Variants in PCDHGB3 observed in about 807,000 individuals in gnomAD.
PCDHGB3 encodes protocadherin gamma-B3.
PCDHGB3 carries 40 observed loss-of-function variants against 59.2 expected under a neutral mutation model. That is an observed-to-expected ratio of 0.68 (90% confidence interval 0.52 to 0.88). The LOEUF is 0.88. Ranked by LOEUF, PCDHGB3 falls within the 40% of genes least tolerant of loss-of-function variation. PCDHGB3 has a pLI of 0.00. For synonymous variants in PCDHGB3, 581 were observed against 503.6 expected (o/e 1.15, Z -2.06); for missense variants, 1,309 against 1,187.9 (o/e 1.10, Z -1.50).
Position 141,372,309 on chromosome 5 carries a change from C to A in PCDHGB3, c.1915C>A (p.Arg639Ser). 6.2e-7 allele frequency: 1 copy of A among 1,613,518 alleles called. No individual in the cohort carries two copies. Among genetic ancestry groups the A allele is most frequent in the Non-Finnish European group, 8.5e-7 (1 of 1,179,890 alleles). ...TACCTTGGGCGACAGGGAGGCCGCCCGCCAGCGCCTGCTGGTCACTGTGCG... is the reference window on the plus strand; with the variant it reads ...TACCTTGGGCGACAGGGAGGCCGCCAGCCAGCGCCTGCTGGTCACTGTGCG... ...ARTLGDREAA[R>S]QRLLVTVRDG... is the part of the protein sequence containing the mutation. The change falls in exon 1 of 4, where the codon CGC becomes AGC. Residue 639 changes from arginine to serine, a missense_variant. Transcript: ENST00000576222.
At position 141,376,322 on chromosome 5, in the gene PCDHGB3, C is replaced by A. The variant is rs750074970; in HGVS notation, c.2415+3513C>A. On this transcript the variant is annotated intron_variant, in intron 1 of 3. Transcript: ENST00000576222. ...GCACTTTGTGGGCGTGGAAGGGGTTCGGGCTTTCCTGCAGACCTATTCCCA... is the reference window on the plus strand; with the variant it reads ...GCACTTTGTGGGCGTGGAAGGGGTTAGGGCTTTCCTGCAGACCTATTCCCA... The A allele has an allele frequency of 9.3e-6, 15 of 1,614,056 alleles. No individual in the cohort carries two copies. The Admixed American group carries it at 1.2e-4, about 13-fold the overall frequency.
rs200368368 is a variant in PCDHGB3 at position 141,371,922 on chromosome 5, C to T, written c.1528C>T (p.Arg510Trp). 2.5e-4 allele frequency: 410 copies of T among 1,613,228 alleles called. No individual in the cohort carries two copies. The highest frequency in any genetic ancestry group is 3.3e-4 in the Non-Finnish European group (394 of 1,179,902). Residue 510 changes from arginine to tryptophan, a missense_variant, in exon 1 of 4, where the codon CGG becomes TGG. By Grantham distance (101) the Arg-to-Trp change is moderately radical (BLOSUM62 -3). Transcript: ENST00000576222. ...GTCGTCCTACGTGTCCGTGAGCGCG[C>T]GGAGCGGGGTGGTGTTCGCGCAGCG... ...ELSSYVSVSA[R>W]SGVVFAQRAF... is the part of the protein sequence containing the mutation.
intron 1 of PCDHGB3, chr5:141,423,674 C>A (rs57195665): frequency 0.087 from 131,432 of 1,514,090 alleles, 6,254 homozygotes; most frequent in East Asian, 0.14. Flanking sequence ...AGATTTATTT[C>A]TCTGCCTCCT....
Position 141,485,086 on chromosome 5 carries a change from A to T in PCDHGB3, c.2416-9721A>T. 1.0e-6 allele frequency: 1 copy of T among 999,576 alleles called. No individual in the cohort carries two copies. Among genetic ancestry groups the T allele is most frequent in the Non-Finnish European group, 1.5e-6 (1 of 651,740 alleles). 61.9% of individuals were successfully genotyped at this position (999,576 alleles called of 1,614,324 possible). A position where few individuals can be genotyped will look rare whatever the true frequency, so the allele number is the denominator to read the frequency against. On this transcript the variant is annotated intron_variant, in intron 1 of 3. Transcript: ENST00000576222. The surrounding 1 kb of genome is among the most constrained non-coding windows in gnomAD (Gnocchi z 5.7). The stretch of plus-strand genomic sequence containing the variant: ...CCAGAGCTGGCGCGGGGAAAGGGAG[A>T]TAGGTGTCTCCAGCTGCTGTGGCTG...
At chr5:141,374,364 A>C in intron 1 of PCDHGB3, 2 of 1,614,024 alleles carry the variant, frequency 1.2e-6, no homozygotes, top group Non-Finnish European at 1.7e-6. Context: ...GACCGCGAGG[A>C]GCTCTGTGCT....
intron 1 of PCDHGB3, among the ~76,000 whole-genome samples, chr5:141,435,652 G>A (rs978809372): frequency 3.9e-5 from 6 of 152,226 alleles, no homozygotes; most frequent in East Asian, 1.9e-4. Flanking sequence ...TTTCTGAAAC[G>A]TGCACAGATT....
At chr5:141,407,615 A>T (rs780052436) in intron 1 of PCDHGB3, among the ~76,000 whole-genome samples, 2 of 152,140 alleles carry the variant, frequency 1.3e-5, no homozygotes, top group Non-Finnish European at 2.9e-5. Context: ...GCATTGGTTG[A>T]CATTCTATAT....
At chr5:141,496,289 G>A (rs1347634489) in intron 2 of PCDHGB3, among the ~76,000 whole-genome samples, 3 of 152,224 alleles carry the variant, frequency 2.0e-5, no homozygotes, top group Non-Finnish European at 4.4e-5. Flanking sequence ...GGTCTGAGCA[G>A]AGTGGGATAG....
chr5:141,487,529 A>G lies in PCDHGB3; in HGVS notation c.2416-7278A>G, dbSNP rs772843725. ...TGCACCCACTCGGAGTGATAGCTTCATGATGGTGAAGTCACCCAGTGCACC... is the reference window on the plus strand; with the variant it reads ...TGCACCCACTCGGAGTGATAGCTTCGTGATGGTGAAGTCACCCAGTGCACC... On this transcript the variant is annotated intron_variant, in intron 1 of 3. Coordinates refer to ENST00000576222, the MANE Select transcript of PCDHGB3 (RefSeq NM_018924.5). The surrounding 1 kb of genome is among the most constrained non-coding windows in gnomAD (Gnocchi z 5.0). The G allele has an allele frequency of 2.0e-5, 32 of 1,614,168 alleles. No individual in the cohort carries two copies. Among genetic ancestry groups the G allele is most frequent in the Non-Finnish European group, 2.5e-5 (29 of 1,180,040 alleles).
At chr5:141,421,261 C>T (rs753531462) in intron 1 of PCDHGB3, 24 of 1,609,076 alleles carry the variant, frequency 1.5e-5, no homozygotes, top group Non-Finnish European at 2.0e-5. Context: ...GGACCGCAGT[C>T]GGCTGCTGCT....
chr5:141,462,243 A>C (rs141980823), intron 1 of PCDHGB3, among the ~76,000 whole-genome samples: 70 of 152,368 alleles, frequency 4.6e-4, no homozygotes, highest in African/African-American at 1.6e-3. Flanking sequence ...TACAGGTATG[A>C]GCCACCATGA....
chr5:141,455,550 G>C lies in PCDHGB3; in HGVS notation c.2416-39257G>C, dbSNP rs1195359804. On this transcript the variant is annotated intron_variant, in intron 1 of 3. Transcript: ENST00000576222. ...ACCAGGCATATCATTCACGTAGCCC[G>C]AGAAAAAGCTGGCCCTCCCACCCCA... 2.0e-5 allele frequency among the ~76,000 whole-genome samples: 3 copies of C among 152,138 alleles called. No individual in the cohort carries two copies. In the South Asian group the frequency reaches 6.2e-4, roughly 32 times the overall value.
chr5:141,481,794 A>G (rs1433830305), intron 1 of PCDHGB3, among the ~76,000 whole-genome samples: 1 of 152,136 alleles, frequency 6.6e-6, no homozygotes, highest in Non-Finnish European at 1.5e-5. Context: ...TCTACTAAAA[A>G]TACAAAAATT....
chr5:141,391,910 CAT>C (rs2092442264), intron 1 of PCDHGB3: 2 of 152,134 alleles, frequency 1.3e-5, no homozygotes, highest in African/African-American at 4.8e-5. Context: ...TGCTTTTTAT[CAT>C]ATATTCATCT....
chr5:141,408,048 G>C, intron 1 of PCDHGB3: 1 of 1,245,698 alleles, frequency 8.0e-7, no homozygotes, highest in Non-Finnish European at 1.1e-6. Context: ...CTCCCACACA[G>C]AGCCTCCCGG....
intron 1 of PCDHGB3, among the ~76,000 whole-genome samples, chr5:141,482,179 G>A (rs1398839482): frequency 6.6e-6 from 1 of 152,040 alleles, no homozygotes; most frequent in Non-Finnish European, 1.5e-5. Flanking sequence ...AAGGCTTTAC[G>A]ATGCTCCAGT....
Position 141,432,224 on chromosome 5 carries a change from T to C in PCDHGB3, c.2415+59415T>C. On this transcript the variant is annotated intron_variant, in intron 1 of 3. Transcript: ENST00000576222. The surrounding 1 kb of genome is among the most constrained non-coding windows in gnomAD (Gnocchi z 6.0). The stretch of plus-strand genomic sequence containing the variant: ...CTGTGAAGAGAACGCCCAGATCACT[T>C]ATTCCCTGGCTGAGAACACCATCCA... 6.2e-7 allele frequency: 1 copy of C among 1,614,138 alleles called. No homozygotes were observed. Among genetic ancestry groups the C allele is most frequent in the Non-Finnish European group, 8.5e-7 (1 of 1,180,024 alleles).
At chr5:141,423,264 C>G (rs1452323474) in intron 1 of PCDHGB3, 1 of 1,613,986 alleles carries the variant, frequency 6.2e-7, no homozygotes. Flanking sequence ...TCGGCAGCCT[C>G]GAGTCTCTGG....
intron 1 of PCDHGB3, chr5:141,415,739 GGTTTTTTTTT>G: frequency 6.9e-6 from 3 of 434,948 alleles, no homozygotes; most frequent in Middle Eastern, 6.4e-4. Context: ...TGTTTATTAA[GGTTTTTTTTT>G]TTTTTTTTTT....
Sources: allele counts gnomAD v4.1 joint callset (sites outside exome capture counted in the v4.1 genomes callset), GRCh38; gene constraint gnomAD v4.1.1; non-coding constraint Gnocchi (gnomAD v3.1); transcripts MANE v1.5; gene names NCBI Gene and HGNC (gene_info 2026-07-23, HGNC 2026-07-21).